The following PANK3 variants were observed in gnomAD, a reference collection of about 807,000 sequenced individuals.
The protein encoded by PANK3 is pantothenate kinase 3.
In PANK3, 20 loss-of-function variants were observed where a neutral mutation model predicts 39.4. That is an observed-to-expected ratio of 0.51 (90% CI 0.36 to 0.74). The LOEUF is 0.74. PANK3 is among the 30% of genes least tolerant of loss of function. The probability of loss-of-function intolerance (pLI) is 0.00; values close to 1 mark genes in which losing one functional copy is unlikely to be tolerated. For synonymous variants in PANK3, 140 were observed against 157.3 expected (o/e 0.89, Z 0.82); for missense variants, 265 against 437.0 (o/e 0.61, Z 3.51).
rs1454744854 is a variant in PANK3, at chr5:168,556,523, G to C, written c.*1048C>G. The C allele has an allele frequency of 6.6e-6, 1 of 152,480 alleles. No homozygotes were observed. Among genetic ancestry groups the C allele is most frequent in the Non-Finnish European group, 1.5e-5 (1 of 68,054 alleles). 9.4% of individuals were successfully genotyped at this position (152,480 alleles called of 1,614,324 possible). A position where few individuals can be genotyped will look rare whatever the true frequency, so the allele number is the denominator to read the frequency against. On this transcript the variant is annotated 3_prime_UTR_variant, in exon 7 of 7. Transcript: ENST00000239231. ...GTTATCAGGTCTCACCATTCCCTCT[G>C]GTTGTTGAGCCTTTGGATAAAAATC... is the stretch of plus-strand genomic sequence containing the variant.
chr5:168,577,021 C>G (rs1202994601), intron 1 of PANK3, among the ~76,000 whole-genome samples: 4 of 152,012 alleles, frequency 2.6e-5, no homozygotes, highest in African/African-American at 9.7e-5. Flanking sequence ...GCTTGGACTA[C>G]AGGCGCGTGC....
chr5:168,572,087 G>A (rs1759639507), intron 1 of PANK3, among the ~76,000 whole-genome samples: 1 of 144,322 alleles, frequency 6.9e-6, no homozygotes, highest in South Asian at 2.3e-4. Context: ...TCTCAGTTTT[G>A]TTGAGTGCCT....
chr5:168,554,870 AGAGTCT>A lies in PANK3; in HGVS notation c.*2695_*2700del, dbSNP rs1582459283. The A allele has an allele frequency of 1.3e-5, 2 of 152,374 alleles. No individual in the cohort carries two copies. Among genetic ancestry groups the A allele is most frequent in the African/African-American group, 2.4e-5 (1 of 41,590 alleles). 9.4% of individuals were successfully genotyped at this position (152,374 alleles called of 1,614,324 possible). A position where few individuals can be genotyped will look rare whatever the true frequency, so the allele number is the denominator to read the frequency against. ...ATCTTTAAGAAAAAATGGAATGGTC[AGAGTCT>A]AAGTTATTTCATCACTGTACTTTGG... On this transcript the variant is annotated 3_prime_UTR_variant, in exon 7 of 7. Coordinates refer to ENST00000239231, the MANE Select transcript of PANK3 (RefSeq NM_024594.4).
chr5:168,548,630 G>A lies in PANK3; in HGVS notation c.*8941C>T, dbSNP rs984747505. ...GCAGAGAAACTGAAGTTGGCTTAAT[G>A]GTTATCCAATACAAACAAGCAAAAC... is the stretch of plus-strand genomic sequence containing the variant. On this transcript the variant is annotated 3_prime_UTR_variant, in exon 7 of 7. Transcript: ENST00000239231. 6.6e-6 allele frequency: 1 copy of A among 152,082 alleles called. No individual in the cohort carries two copies. The highest frequency in any genetic ancestry group is 2.1e-4 in the South Asian group (1 of 4,828). The allele number at this position is 152,082 out of a possible 1,614,324, so 9.4% of individuals were successfully genotyped here.
chr5:168,576,891 ATTAT>A (rs749839566), intron 1 of PANK3, among the ~76,000 whole-genome samples: 1 of 150,834 alleles, frequency 6.6e-6, no homozygotes, highest in Non-Finnish European at 1.5e-5. Flanking sequence ...TATTATTATT[ATTAT>A]TTGAGACGGA....
chr5:168,561,258 G>C, intron 5 of PANK3, 135 bp downstream of exon 5: 2 of 640,298 alleles, frequency 3.1e-6, no homozygotes, highest in Non-Finnish European at 5.1e-6. Context: ...TATACCTAAT[G>C]AGTCTTGGCA....
chr5:168,569,509 T>C (rs1222204513), intron 1 of PANK3, among the ~76,000 whole-genome samples: 1 of 152,072 alleles, frequency 6.6e-6, no homozygotes, highest in East Asian at 1.9e-4. Flanking sequence ...GTTTTATTAA[T>C]ATATTTTCTA....
In PANK3 at chr5:168,551,333, G is replaced by T. The variant is rs866554451; in HGVS notation, c.*6238C>A. 6.6e-6 allele frequency: 1 copy of T among 152,080 alleles called. No homozygotes were observed. The highest frequency in any genetic ancestry group is 1.5e-5 in the Non-Finnish European group (1 of 67,990). 9.4% of individuals were successfully genotyped at this position (152,080 alleles called of 1,614,324 possible). On this transcript the variant is annotated 3_prime_UTR_variant, in exon 7 of 7. Transcript: ENST00000239231. ...AGGTCAGAGAGTATTATCACAAAAA[G>T]ATAATATATTTCTAATGTTTTGTTC...
chr5:168,566,282 A>G lies in PANK3; in HGVS notation c.382-16T>C, dbSNP rs766352071. Reference sequence around the variant, plus strand: ...GGTTTCCAATCTGTTAAAACAAACAAACAAAAACAAAAAAGGATGACATTC... The same window carrying G: ...GGTTTCCAATCTGTTAAAACAAACAGACAAAAACAAAAAAGGATGACATTC... On this transcript the variant is annotated splice_polypyrimidine_tract_variant and intron_variant, in intron 2 of 6. Coordinates refer to ENST00000239231, the MANE Select transcript of PANK3 (RefSeq NM_024594.4). 1.3e-6 allele frequency: 2 copies of G among 1,561,148 alleles called. No homozygotes were observed. The highest frequency in any genetic ancestry group is 1.7e-6 in the Non-Finnish European group (2 of 1,148,942).
intron 3 of PANK3, 43 bp downstream of exon 3, chr5:168,565,970 T>C (rs1411844768): frequency 6.4e-7 from 1 of 1,571,242 alleles, no homozygotes; most frequent in African/African-American, 1.4e-5. Flanking sequence ...CTTCTGTGTA[T>C]AAAACAATGT....
intron 4 of PANK3, among the ~76,000 whole-genome samples, chr5:168,562,412 A>G (rs368021597): frequency 6.6e-6 from 1 of 152,162 alleles, no homozygotes; most frequent in South Asian, 2.1e-4. Context: ...TGAGAAATGA[A>G]AACATCTATG....
intron 1 of PANK3, among the ~76,000 whole-genome samples, chr5:168,571,933 A>C (rs1197959356): frequency 6.6e-6 from 1 of 152,134 alleles, no homozygotes; most frequent in East Asian, 1.9e-4. Flanking sequence ...TAGGAAAAAA[A>C]GTTTTTTAAA....
rs748338796 is a variant in PANK3 at position 168,549,134 on chromosome 5, TA to T, written c.*8436del. 6.6e-6 allele frequency: 1 copy of T among 152,160 alleles called. No homozygotes were observed. The highest frequency in any genetic ancestry group is 1.5e-5 in the Non-Finnish European group (1 of 68,014). 9.4% of individuals were successfully genotyped at this position (152,160 alleles called of 1,614,324 possible). On this transcript the variant is annotated 3_prime_UTR_variant, in exon 7 of 7. Transcript: ENST00000239231. The stretch of plus-strand genomic sequence containing the variant: ...ATAAAAAGTAAAAGCACACAGTGTA[TA>T]AAAAATAATAAAAACCATCTTAATA...
rs570643653 is a variant in PANK3 at position 168,567,460 on chromosome 5, C to T, written c.381+1186G>A. 2.0e-5 allele frequency among the ~76,000 whole-genome samples: 3 copies of T among 152,194 alleles called. No individual in the cohort carries two copies. The East Asian group carries it at 5.8e-4, about 29-fold the overall frequency. On this transcript the variant is annotated intron_variant, in intron 2 of 6. Transcript: ENST00000239231. ...TAGTAAAAAGCGTATTATAAGACAC[C>T]GTTTATAAAACATTGCAGCTTAGAT...
At chr5:168,578,973 G>C (rs781109580) in intron 1 of PANK3, among the ~76,000 whole-genome samples, 155 of 152,334 alleles carry the variant, frequency 1.0e-3, no homozygotes, top group Non-Finnish European at 2.0e-3. Flanking sequence ...GACTAGTCTG[G>C]TTTGACAAAA....
chr5:168,579,304 T>G lies in PANK3; in HGVS notation c.-21A>C, dbSNP rs781265819. On this transcript the variant is annotated 5_prime_UTR_variant, in exon 1 of 7. Transcript: ENST00000239231. The stretch of plus-strand genomic sequence containing the variant: ...TTCATGGCGTCGGCCCGAGGGGCGA[T>G]GGACGGCCTCCGATCCGGGGCACTG... The G allele has an allele frequency of 6.8e-7, 1 of 1,475,444 alleles. No homozygotes were observed. Among genetic ancestry groups the G allele is most frequent in the Non-Finnish European group, 9.0e-7 (1 of 1,108,782 alleles). The allele number at this position is 1,475,444 out of a possible 1,614,324, so 91.4% of individuals were successfully genotyped here.
chr5:168,558,631 T>C (rs1281006488), intron 6 of PANK3, among the ~76,000 whole-genome samples: 1 of 152,142 alleles, frequency 6.6e-6, no homozygotes, highest in Non-Finnish European at 1.5e-5. Flanking sequence ...AGTAAATGAA[T>C]ACAAAAAAAT....
intron 1 of PANK3, among the ~76,000 whole-genome samples, chr5:168,569,739 G>A (rs1445977748): frequency 6.6e-6 from 1 of 152,052 alleles, no homozygotes; most frequent in Non-Finnish European, 1.5e-5. Context: ...AAGTAACCCA[G>A]GAGAAAAGCA....
rs1386162356 is a variant in PANK3 at position 168,550,085 on chromosome 5, T to C, written c.*7486A>G. On this transcript the variant is annotated 3_prime_UTR_variant, in exon 7 of 7. Coordinates refer to ENST00000239231, the MANE Select transcript of PANK3 (RefSeq NM_024594.4). ...GACTTATGGTTTTTCAACTTTATAA[T>C]GGGGCAAAAGCAATACACATTCAGT... 1 of 152,206 alleles carries C rather than the reference T, an allele frequency of 6.6e-6. No homozygotes were observed. The highest frequency in any genetic ancestry group is 1.5e-5 in the Non-Finnish European group (1 of 68,026). 9.4% of individuals were successfully genotyped at this position (152,206 alleles called of 1,614,324 possible). A position where few individuals can be genotyped will look rare whatever the true frequency, so the allele number is the denominator to read the frequency against.
Sources: gnomAD v4.1 joint callset for allele counts (sites outside exome capture counted in the v4.1 genomes callset) on GRCh38, gnomAD v4.1.1 for gene constraint, MANE v1.5 for transcripts, NCBI Gene and HGNC (gene_info 2026-07-23, HGNC 2026-07-21) for gene names.